FHIT: variants seen among roughly 807,000 people sequenced by gnomAD.
The protein encoded by FHIT is bis(5'-adenosyl)-triphosphatase.
A neutral mutation model predicts 17.9 loss-of-function variants in FHIT; 19 were observed. That is an observed-to-expected ratio of 1.06 (90% CI 0.74 to 1.56). The LOEUF is 1.56. Among genes scored for constraint, FHIT ranks in the 40% most tolerant of loss-of-function variants. The pLI is 0.00. For missense variants in FHIT, 248 were observed against 189.2 expected, an observed-to-expected ratio of 1.31 and a Z score of -1.82; for synonymous variants, 81 against 69.7, an observed-to-expected ratio of 1.16 and a Z score of -0.81.
chr3:61,241,525 T>C (rs977228589), intron 1 of FHIT, among the ~76,000 whole-genome samples: 1 of 152,220 alleles, frequency 6.6e-6, no homozygotes, highest in Admixed American at 6.5e-5. Flanking sequence ...TAAATGACTG[T>C]AGATTGTATG....
At chr3:60,299,186 C>A (rs932396850) in intron 5 of FHIT, among the ~76,000 whole-genome samples, 2 of 152,098 alleles carry the variant, frequency 1.3e-5, no homozygotes, top group Non-Finnish European at 2.9e-5. Flanking sequence ...TAATCGTATT[C>A]TTTGAACCTC....
intron 7 of FHIT, among the ~76,000 whole-genome samples, chr3:59,960,301 T>C (rs143163430): frequency 2.0e-5 from 3 of 152,232 alleles, no homozygotes; most frequent in Non-Finnish European, 4.4e-5. Context: ...TGAGCAGAAA[T>C]GGATGGATTT....
Position 59,786,221 on chromosome 3 carries a change from G to C in FHIT, c.349-33900C>G, listed in dbSNP as rs573819959. On this transcript the variant is annotated intron_variant, in intron 8 of 9. Coordinates refer to ENST00000492590, the MANE Select transcript of FHIT (RefSeq NM_002012.4). Reference sequence around the variant, plus strand: ...GACCCACCTCCTCCTGGACAACAGAGACAAAAGAGTTAATAATGTGAATTA... The same window carrying C: ...GACCCACCTCCTCCTGGACAACAGACACAAAAGAGTTAATAATGTGAATTA... Among the ~76,000 whole-genome samples, 396 of 152,230 alleles carry C rather than the reference G, an allele frequency of 2.6e-3. 2 individuals carry two copies. Among genetic ancestry groups the C allele is most frequent in the African/African-American group, 9.1e-3 (378 of 41,554 alleles).
chr3:59,770,611 C>T (rs971204707), intron 8 of FHIT, among the ~76,000 whole-genome samples: 1 of 152,186 alleles, frequency 6.6e-6, no homozygotes, highest in East Asian at 1.9e-4. Context: ...ACCTTCACCT[C>T]GGGCTTGTAG....
chr3:60,687,356 G>T, intron 4 of FHIT, among the ~76,000 whole-genome samples: 1 of 151,974 alleles, frequency 6.6e-6, no homozygotes, highest in East Asian at 1.9e-4. Flanking sequence ...TTGATACATA[G>T]AGTTCTTACT....
chr3:60,038,199 ACT>A (rs1225416053), intron 5 of FHIT, among the ~76,000 whole-genome samples: 3 of 152,102 alleles, frequency 2.0e-5, no homozygotes, highest in Admixed American at 6.6e-5. Flanking sequence ...CATAATTTAT[ACT>A]CTTACATTTT....
chr3:60,715,301 C>T (rs1343511655), intron 4 of FHIT, among the ~76,000 whole-genome samples: 1 of 152,118 alleles, frequency 6.6e-6, no homozygotes, highest in East Asian at 1.9e-4. Context: ...GGATTAAAGA[C>T]TTAAACATTA....
chr3:60,488,854 TGTTAA>T (rs376795445), intron 5 of FHIT, among the ~76,000 whole-genome samples: 2 of 152,304 alleles, frequency 1.3e-5, no homozygotes, highest in East Asian at 3.9e-4. Context: ...AAAAACTTGG[TGTTAA>T]GTTTTTATGT....
chr3:59,974,490 C>T (rs1000899897), intron 7 of FHIT, among the ~76,000 whole-genome samples: 7 of 152,170 alleles, frequency 4.6e-5, no homozygotes, highest in Non-Finnish European at 1.0e-4. Context: ...AAAACACCTT[C>T]ACCAAGCATG....
intron 5 of FHIT, among the ~76,000 whole-genome samples, chr3:60,059,375 T>C (rs1043390896): frequency 6.6e-6 from 1 of 152,132 alleles, no homozygotes; most frequent in Non-Finnish European, 1.5e-5. Flanking sequence ...ACCTCCCACA[T>C]GTTAGCAGGC....
intron 5 of FHIT, among the ~76,000 whole-genome samples, chr3:60,029,476 C>G (rs892398186): frequency 6.6e-6 from 1 of 152,162 alleles, no homozygotes; most frequent in African/African-American, 2.4e-5. Flanking sequence ...AGGACTGTGA[C>G]TTTAAAAAGA....
chr3:59,918,032 C>T (rs1705216706), intron 8 of FHIT, among the ~76,000 whole-genome samples: 1 of 152,194 alleles, frequency 6.6e-6, no homozygotes, highest in Admixed American at 6.5e-5. Context: ...TGATTTCTGA[C>T]CAAAGGATTC....
chr3:59,814,139 T>A lies in FHIT; in HGVS notation c.349-61818A>T, dbSNP rs527254221. On this transcript the variant is annotated intron_variant, in intron 8 of 9. Transcript: ENST00000492590. ...CCTTGGCAAATTAAACAAGGAGGAT[T>A]TGAGCAAAGAAAAGATGTGCTGCTG... is the stretch of plus-strand genomic sequence containing the variant. Among the ~76,000 whole-genome samples, 4 of 152,126 alleles carry A rather than the reference T, an allele frequency of 2.6e-5. No individual in the cohort carries two copies. The East Asian group carries it at 7.7e-4, about 29-fold the overall frequency.
At chr3:60,391,254 GATT>G (rs1559876951) in intron 5 of FHIT, among the ~76,000 whole-genome samples, 3 of 152,032 alleles carry the variant, frequency 2.0e-5, no homozygotes, top group African/African-American at 7.2e-5. Flanking sequence ...AATAAGCTGA[GATT>G]ATTGAAGAAA....
intron 5 of FHIT, among the ~76,000 whole-genome samples, chr3:60,200,147 G>T (rs1702831214): frequency 6.6e-6 from 1 of 152,100 alleles, no homozygotes; most frequent in Non-Finnish European, 1.5e-5. Context: ...TAGGAACAGG[G>T]TGTCTCCATC....
chr3:59,971,135 C>G (rs1708160749), intron 7 of FHIT, among the ~76,000 whole-genome samples: 1 of 152,056 alleles, frequency 6.6e-6, no homozygotes, highest in South Asian at 2.1e-4. Context: ...AAATGATTCT[C>G]TCAGAATGAT....
At chr3:60,353,759 G>A (rs1195507168) in intron 5 of FHIT, among the ~76,000 whole-genome samples, 2 of 152,018 alleles carry the variant, frequency 1.3e-5, no homozygotes, top group East Asian at 1.9e-4. Flanking sequence ...AAACAAATCT[G>A]TAAAAAAGTC....
chr3:60,450,527 A>C (rs1206851557), intron 5 of FHIT, among the ~76,000 whole-genome samples: 1 of 152,156 alleles, frequency 6.6e-6, no homozygotes, highest in African/African-American at 2.4e-5. Flanking sequence ...ACTCCAGAGG[A>C]AGTGAGTTTG....
At chr3:60,523,176 T>C (rs1295218762) in intron 5 of FHIT, among the ~76,000 whole-genome samples, 1 of 152,186 alleles carries the variant, frequency 6.6e-6, no homozygotes, top group South Asian at 2.1e-4. Context: ...ATGGGAGCTA[T>C]AATTCAATAT....
Sources: gnomAD v4.1 joint callset for allele counts (sites outside exome capture counted in the v4.1 genomes callset) on GRCh38, gnomAD v4.1.1 for gene constraint, MANE v1.5 for transcripts, NCBI Gene and HGNC (gene_info 2026-07-23, HGNC 2026-07-21) for gene names.